Variants in SCNN1G observed in about 807,000 individuals in gnomAD.
The protein encoded by SCNN1G is sodium channel epithelial 1 subunit gamma, also known as epithelial sodium channel subunit gamma.
SCNN1G carries 27 observed loss-of-function variants against 64.6 expected under a neutral mutation model. The observed-to-expected ratio is 0.42, with a 90% confidence interval of 0.31 to 0.58. SCNN1G has a LOEUF of 0.58. Ranked by LOEUF, SCNN1G falls within the 20% of genes least tolerant of loss-of-function variation. The pLI is 0.18. For missense variants in SCNN1G, 743 were observed against 823.4 expected, an observed-to-expected ratio of 0.90 and a Z score of 1.19; for synonymous variants, 330 against 314.2, an observed-to-expected ratio of 1.05 and a Z score of -0.53.
chr16:23,191,634 C>A (rs1959710312), intron 3 of SCNN1G, among the ~76,000 whole-genome samples: 1 of 152,126 alleles, frequency 6.6e-6, no homozygotes, highest in Non-Finnish European at 1.5e-5. Context: ...CCGTGTTGCC[C>A]GGGCTGGTCT....
intron 3 of SCNN1G, among the ~76,000 whole-genome samples, chr16:23,191,027 TA>T (rs1959700514): frequency 6.6e-6 from 1 of 151,886 alleles, no homozygotes; most frequent in Non-Finnish European, 1.5e-5. Context: ...GTATCTTTAG[TA>T]AAGACTGGGT....
chr16:23,184,939 C>T (rs2141926293), intron 1 of SCNN1G, among the ~76,000 whole-genome samples: 1 of 152,312 alleles, frequency 6.6e-6, no homozygotes, highest in East Asian at 1.9e-4. Flanking sequence ...ACCCCCAATA[C>T]TAGTGCTCAC....
intron 6 of SCNN1G, 93 bp from the exon 7 acceptor site, chr16:23,209,657 T>C: frequency 1.1e-6 from 1 of 898,862 alleles, no homozygotes; most frequent in Non-Finnish European, 1.9e-6. Flanking sequence ...TCCCAAGGGC[T>C]GCTTGCAAAG....
In SCNN1G at chr16:23,215,211, C is replaced by A. The variant is rs1960140675; in HGVS notation, c.1692C>A (p.Arg564=). The A allele has an allele frequency of 1.2e-6, 2 of 1,614,166 alleles. No homozygotes were observed. The highest frequency in any genetic ancestry group is 1.7e-6 in the Non-Finnish European group (2 of 1,180,036). ...FIDFFSIIAR[R]QWQKAKEWWA... is the part of the protein sequence containing the mutation. The stretch of plus-strand genomic sequence containing the variant: ...ACTTCTTCTCTATCATTGCCCGCCG[C>A]CAGTGGCAGAAAGCCAAGGAGTGGT... Residue 564 remains arginine, a synonymous_variant, in exon 13 of 13, where the codon CGC becomes CGA. Transcript: ENST00000300061.
At position 23,212,115 on chromosome 16, in the gene SCNN1G, GC is replaced by G; in HGVS notation, c.1260del (p.Asn421ThrfsTer44). ...GTACAGCCAGCCTCTACCTCCTGCA[GC>G]CAACTACTGCAACTACCAGCAGCAC... ...AQYSQPLPPA[A>X]NYCNYQQHPN... On this transcript the variant is annotated frameshift_variant, in exon 8 of 13. Transcript: ENST00000300061. LOFTEE classifies it high-confidence loss of function. 1 of 1,613,688 alleles carries G rather than the reference GC, an allele frequency of 6.2e-7. No individual in the cohort carries two copies. Among genetic ancestry groups the G allele is most frequent in the Non-Finnish European group, 8.5e-7 (1 of 1,179,670 alleles).
rs923994662 is a variant in SCNN1G at position 23,216,260 on chromosome 16, A to G, written c.*791A>G. ...ATTTGAACCCAGACAATCTGACTTC[A>G]TGATTTTGCATCCAATTCGTGTCTG... On this transcript the variant is annotated 3_prime_UTR_variant, in exon 13 of 13. Transcript: ENST00000300061. The G allele has an allele frequency of 6.6e-6, 1 of 152,440 alleles. No individual in the cohort carries two copies. The highest frequency in any genetic ancestry group is 1.5e-5 in the Non-Finnish European group (1 of 68,274). 9.4% of individuals were successfully genotyped at this position (152,440 alleles called of 1,614,324 possible).
intron 1 of SCNN1G, 24 bp downstream of exon 1, chr16:23,182,837 G>A (rs1157987238): frequency 6.6e-6 from 1 of 152,444 alleles, no homozygotes; most frequent in African/African-American, 2.4e-5. Flanking sequence ...GGTTGGGTCG[G>A]ACCAGCTCGG....
At chr16:23,186,623 G>A in intron 2 of SCNN1G, 35 bp downstream of exon 2, 1 of 1,581,430 alleles carries the variant, frequency 6.3e-7, no homozygotes, top group Non-Finnish European at 8.6e-7. Flanking sequence ...CGAGTAGGGA[G>A]CCAGGCCCCC....
chr16:23,211,619 G>A (rs560711180), intron 7 of SCNN1G, among the ~76,000 whole-genome samples: 49 of 152,128 alleles, frequency 3.2e-4, no homozygotes, highest in Non-Finnish European at 6.5e-4. Context: ...AGACCAGCCT[G>A]GCCAACATGG....
intron 5 of SCNN1G, 69 bp from the exon 6 acceptor site, chr16:23,197,195 G>T: frequency 7.6e-7 from 1 of 1,313,852 alleles, no homozygotes. Flanking sequence ...GAAGCAGTGG[G>T]AGAGGTGGTT....
rs1959892322 is a variant in SCNN1G at position 23,201,702 on chromosome 16, A to G, written c.1077+4275A>G. ...GCTGGCCAGGCAGTTGGTAAACAAAACTTCCTTTATTCACTGAGAGATTGT... is the reference window on the plus strand; with the variant it reads ...GCTGGCCAGGCAGTTGGTAAACAAAGCTTCCTTTATTCACTGAGAGATTGT... On this transcript the variant is annotated intron_variant, in intron 6 of 12. Transcript: ENST00000300061. 2.0e-5 allele frequency among the ~76,000 whole-genome samples: 3 copies of G among 152,220 alleles called. No individual in the cohort carries two copies. The South Asian group carries it at 6.2e-4, about 32-fold the overall frequency.
intron 6 of SCNN1G, among the ~76,000 whole-genome samples, chr16:23,201,663 G>T (rs899146772): frequency 6.6e-6 from 1 of 152,092 alleles, no homozygotes; most frequent in East Asian, 1.9e-4. Context: ...TGTGAAGCTG[G>T]TAGGCTCAGT....
At chr16:23,206,751 A>G (rs1042615134) in intron 6 of SCNN1G, among the ~76,000 whole-genome samples, 4 of 152,138 alleles carry the variant, frequency 2.6e-5, no homozygotes, top group Non-Finnish European at 5.9e-5. Flanking sequence ...ACCTACACAT[A>G]CATGCCCACA....
intron 3 of SCNN1G, among the ~76,000 whole-genome samples, chr16:23,190,622 G>A (rs1389712265): frequency 1.3e-5 from 2 of 152,090 alleles, no homozygotes; most frequent in African/African-American, 4.8e-5. Flanking sequence ...TCACCCTTTG[G>A]CTAATGGATG....
intron 6 of SCNN1G, among the ~76,000 whole-genome samples, chr16:23,198,108 C>G (rs1959827116): frequency 1.3e-5 from 2 of 152,208 alleles, no homozygotes; most frequent in African/African-American, 4.8e-5. Flanking sequence ...TGGAAAGTCA[C>G]TCAGCTATCC....
Position 23,193,724 on chromosome 16 carries a change from A to G in SCNN1G, c.810-447A>G, listed in dbSNP as rs188099223. 3.3e-5 allele frequency among the ~76,000 whole-genome samples: 5 copies of G among 152,344 alleles called. No individual in the cohort carries two copies. The East Asian group carries it at 9.6e-4, about 29-fold the overall frequency. ...CACCTATCTGTATATGTTAGCAGAC[A>G]GATTGGTTCTTGTGAAAAGTAAATA... On this transcript the variant is annotated intron_variant, in intron 4 of 12. Transcript: ENST00000300061.
At position 23,214,697 on chromosome 16, in the gene SCNN1G, G is replaced by T. The variant is rs753596140; in HGVS notation, c.1494-15G>T. The stretch of plus-strand genomic sequence containing the variant: ...GGATGCCAAGGCTCTTGATTCACCT[G>T]TTGGAATTTTGCAGGACAGACTTGG... On this transcript the variant is annotated splice_polypyrimidine_tract_variant and intron_variant, in intron 11 of 12. Transcript: ENST00000300061. 1.5e-5 allele frequency: 24 copies of T among 1,608,394 alleles called. No homozygotes were observed. The highest frequency in any genetic ancestry group is 3.3e-4 in the Middle Eastern group (2 of 6,078).
intron 11 of SCNN1G, among the ~76,000 whole-genome samples, chr16:23,213,386 G>A (rs182508480): frequency 6.2e-4 from 94 of 151,892 alleles, no homozygotes; most frequent in African/African-American, 2.1e-3. Flanking sequence ...CTAAGTAGCT[G>A]GGATTATAGG....
chr16:23,187,311 G>A (rs1207416551), intron 2 of SCNN1G, among the ~76,000 whole-genome samples: 1 of 151,932 alleles, frequency 6.6e-6, no homozygotes, highest in African/African-American at 2.4e-5. Context: ...GTCTCGCTAT[G>A]TTACTCAGGC....
Sources: allele counts gnomAD v4.1 joint callset (sites outside exome capture counted in the v4.1 genomes callset), GRCh38; gene constraint gnomAD v4.1.1; transcripts MANE v1.5; gene names NCBI Gene and HGNC (gene_info 2026-07-23, HGNC 2026-07-21).